LITAF: variants seen among roughly 807,000 people sequenced by gnomAD.
LITAF encodes lipopolysaccharide-induced tumor necrosis factor-alpha factor.
Under a neutral mutation model 14.5 loss-of-function variants are expected in LITAF, and 9 were observed. The observed-to-expected ratio is 0.62, with a 90% confidence interval of 0.37 to 1.08. The LOEUF is 1.08. LITAF is among the 50% of genes least tolerant of loss of function. The probability of loss-of-function intolerance (pLI) is 0.01; values close to 1 mark genes in which losing one functional copy is unlikely to be tolerated. For missense variants in LITAF, 206 were observed against 213.4 expected (o/e 0.97, Z 0.22); for synonymous variants, 98 against 88.2 (o/e 1.11, Z -0.62).
intron 3 of LITAF, among the ~76,000 whole-genome samples, chr16:11,622,969 TATAA>T (rs1272542451): frequency 2.1e-5 from 3 of 142,950 alleles, no homozygotes; most frequent in Non-Finnish European, 3.0e-5. Context: ...TATATATATA[TATAA>T]TTTTTTTTTT....
intron 1 of LITAF, among the ~76,000 whole-genome samples, chr16:11,575,131 A>G (rs1473652763): frequency 6.6e-6 from 1 of 152,114 alleles, no homozygotes; most frequent in East Asian, 1.9e-4. Context: ...ATGTTGCACT[A>G]TGATCCAGTT....
chr16:11,611,741 C>T (rs543439840), intron 3 of LITAF, among the ~76,000 whole-genome samples: 2 of 151,894 alleles, frequency 1.3e-5, no homozygotes, highest in East Asian at 3.9e-4. Flanking sequence ...CGCCTCACTG[C>T]AATCTCCACC....
At chr16:11,618,563 T>C (rs2065031063) in intron 3 of LITAF, among the ~76,000 whole-genome samples, 1 of 152,220 alleles carries the variant, frequency 6.6e-6, no homozygotes, top group Admixed American at 6.5e-5. Flanking sequence ...GCTTTCGCTG[T>C]GTGCGATGGG....
intron 3 of LITAF, among the ~76,000 whole-genome samples, chr16:11,610,218 G>T (rs1243539851): frequency 6.6e-6 from 1 of 152,220 alleles, no homozygotes; most frequent in Non-Finnish European, 1.5e-5. Flanking sequence ...TCAGAAACCT[G>T]TCCCAGGGGA....
rs753802111 is a variant in LITAF at position 11,632,739 on chromosome 16, C to T, written c.85+794G>A. On this transcript the variant is annotated intron_variant, in intron 3 of 3. Coordinates refer to the LITAF transcript ENST00000574848. This position sits in a 1 kb window ranked among gnomAD's most constrained non-coding sequence, Gnocchi z 4.8. Reference sequence around the variant, plus strand: ...TGCCACTGGCTCTGCTGGCTCTGAGCGCAGAGTCCAGCCCCCATGCACATG... The same window carrying T: ...TGCCACTGGCTCTGCTGGCTCTGAGTGCAGAGTCCAGCCCCCATGCACATG... 2.6e-5 allele frequency among the ~76,000 whole-genome samples: 4 copies of T among 152,200 alleles called. No individual in the cohort carries two copies. Among genetic ancestry groups the T allele is most frequent in the Admixed American group, 6.5e-5 (1 of 15,288 alleles).
At position 11,620,840 on chromosome 16, in the gene LITAF, C is replaced by T. The variant is rs559581197; in HGVS notation, c.85+12693G>A. Among the ~76,000 whole-genome samples the T allele has an allele frequency of 7.0e-4, 107 of 152,358 alleles. 1 individual carries two copies. The highest frequency in any genetic ancestry group is 2.4e-3 in the African/African-American group (99 of 41,594). ...GCGGGCACTGTCATGGCCCTGCCCA[C>T]ATCTCCCTCAGCAGCTGCTGCTCCA... is the stretch of plus-strand genomic sequence containing the variant. On this transcript the variant is annotated intron_variant, in intron 3 of 3. Transcript: ENST00000574848.
At position 11,553,038 on chromosome 16, in the gene LITAF, C is replaced by T. The variant is rs2064205279; in HGVS notation, c.377+495G>A. Reference sequence around the variant, plus strand: ...GCTGAGGCAGGAGAATAGCTTGAACCTGGGAGGCGGAGGTTGCAGTGAGCC... The same window carrying T: ...GCTGAGGCAGGAGAATAGCTTGAACTTGGGAGGCGGAGGTTGCAGTGAGCC... On this transcript the variant is annotated intron_variant, in intron 3 of 3. Transcript: ENST00000622633. This position sits in a 1 kb window ranked among gnomAD's most constrained non-coding sequence, Gnocchi z 7.7. Among the ~76,000 whole-genome samples, 2 of 152,100 alleles carry T rather than the reference C, an allele frequency of 1.3e-5. No homozygotes were observed. Among genetic ancestry groups the T allele is most frequent in the Non-Finnish European group, 1.5e-5 (1 of 68,014 alleles).
chr16:11,571,330 G>A (rs907094693), intron 1 of LITAF, among the ~76,000 whole-genome samples: 10 of 152,182 alleles, frequency 6.6e-5, no homozygotes, highest in Admixed American at 1.3e-4. Flanking sequence ...GCCTCCCAAA[G>A]TGGTGGGATT....
At chr16:11,625,857 C>A (rs2065080297) in intron 3 of LITAF, among the ~76,000 whole-genome samples, 3 of 152,246 alleles carry the variant, frequency 2.0e-5, no homozygotes, top group Non-Finnish European at 2.9e-5. Flanking sequence ...ACAAGTCCCC[C>A]TAAGCTCTTG....
At chr16:11,629,663 T>C (rs2141904855) in intron 3 of LITAF, among the ~76,000 whole-genome samples, 1 of 152,278 alleles carries the variant, frequency 6.6e-6, no homozygotes, top group East Asian at 1.9e-4. Flanking sequence ...AAGGAGCTCA[T>C]GGACTGGTTG....
In LITAF at chr16:11,634,941, G is replaced by A. The variant is rs1309959798; in HGVS notation, c.-21+884C>T. 6.6e-6 allele frequency among the ~76,000 whole-genome samples: 1 copy of A among 152,112 alleles called. No individual in the cohort carries two copies. Among genetic ancestry groups the A allele is most frequent in the Non-Finnish European group, 1.5e-5 (1 of 68,036 alleles). ...CCCAGCTATTTGGGAGGCTGAGGCA[G>A]GAGAATCGATTGAACCCGGGAAGCG... On this transcript the variant is annotated intron_variant, in intron 2 of 3. Transcript: ENST00000574848. This position sits in a 1 kb window ranked among gnomAD's most constrained non-coding sequence, Gnocchi z 4.1.
At chr16:11,584,934 G>A (rs1415858960) in intron 1 of LITAF, among the ~76,000 whole-genome samples, 1 of 152,200 alleles carries the variant, frequency 6.6e-6, no homozygotes, top group African/African-American at 2.4e-5. Context: ...TGGGCCGGGT[G>A]AGGTAGTTCA....
At chr16:11,574,077 G>A (rs1409239287) in intron 1 of LITAF, among the ~76,000 whole-genome samples, 1 of 145,606 alleles carries the variant, frequency 6.9e-6, no homozygotes, top group African/African-American at 2.5e-5. Flanking sequence ...GTTCTCACTG[G>A]GTTGCCCAGG....
chr16:11,562,906 GA>G (rs969995533), intron 1 of LITAF, among the ~76,000 whole-genome samples: 21 of 142,048 alleles, frequency 1.5e-4, no homozygotes, highest in African/African-American at 4.2e-4. Context: ...CAAAACAAAA[GA>G]AAAAAAAATA....
In LITAF at chr16:11,605,368, G is replaced by A. The variant is rs375147438; in HGVS notation, c.85+28165C>T. 2.9e-4 allele frequency among the ~76,000 whole-genome samples: 44 copies of A among 152,264 alleles called. No homozygotes were observed. The highest frequency in any genetic ancestry group is 8.4e-4 in the African/African-American group (35 of 41,556). ...CCACGAGGCCCAGGATTCCTCCCAG[G>A]CGGGATCCTGTGCACCTCCCGGAGG... On this transcript the variant is annotated intron_variant, in intron 3 of 3. Coordinates refer to the LITAF transcript ENST00000574848. The surrounding 1 kb of genome is among the most constrained non-coding windows in gnomAD (Gnocchi z 4.7).
At chr16:11,595,842 C>A (rs1051670230) in intron 1 of LITAF, among the ~76,000 whole-genome samples, 8 of 152,200 alleles carry the variant, frequency 5.3e-5, no homozygotes, top group African/African-American at 1.9e-4. Context: ...AAGTATGTCC[C>A]AAATGCTGTG....
upstream of LITAF, among the ~76,000 whole-genome samples, chr16:11,602,942 C>A (rs1014815921): frequency 6.6e-6 from 1 of 151,766 alleles, no homozygotes; most frequent in Non-Finnish European, 1.5e-5. Context: ...GAGACCCCAT[C>A]TCTACAAAAA....
At chr16:11,616,911 C>CAA (rs766801773) in intron 3 of LITAF, among the ~76,000 whole-genome samples, 21,920 of 82,660 alleles carry the variant, frequency 0.27, 2,998 homozygotes, top group East Asian at 0.53. Context: ...GACTCTATCT[C>CAA]AAAAAAAAAA....
chr16:11,617,426 C>CTTTTT lies in LITAF; in HGVS notation c.85+16102_85+16106dup, dbSNP rs71136673. Among the ~76,000 whole-genome samples the CTTTTT allele has an allele frequency of 1.7e-3, 126 of 73,728 alleles. 1 individual carries two copies. The highest frequency in any genetic ancestry group is 2.5e-3 in the East Asian group (6 of 2,414). 48.4% of individuals were successfully genotyped at this position (73,728 alleles called of 152,430 possible). On this transcript the variant is annotated intron_variant, in intron 3 of 3. Transcript: ENST00000574848. ...CAATATATCAATATATGGCTTCACT[C>CTTTTT]TTTTTTTTTTTTTTTTTTTTTTTTG...
Sources: gnomAD v4.1 joint callset for allele counts (sites outside exome capture counted in the v4.1 genomes callset) on GRCh38, gnomAD v4.1.1 for gene constraint, Gnocchi (gnomAD v3.1) non-coding constraint, MANE v1.5 for transcripts, NCBI Gene and HGNC (gene_info 2026-07-23, HGNC 2026-07-21) for gene names.